The following SYN3 variants were observed in gnomAD, a reference collection of about 807,000 sequenced individuals.
SYN3 encodes synapsin III, also known as synapsin-3.
Under a neutral mutation model 65.8 loss-of-function variants are expected in SYN3, and 35 were observed. The observed-to-expected ratio is 0.53, with a 90% CI of 0.41 to 0.70. SYN3 has a LOEUF of 0.70. Among genes scored for constraint, SYN3 ranks in the 30% least tolerant of loss-of-function variants. The pLI, the probability that SYN3 is intolerant of heterozygous loss-of-function variation, is 0.00. For missense variants in SYN3, 680 were observed against 749.0 expected, an observed-to-expected ratio of 0.91 and a Z score of 1.08; for synonymous variants, 270 against 292.9, an observed-to-expected ratio of 0.92 and a Z score of 0.80.
intron 6 of SYN3, among the ~76,000 whole-genome samples, chr22:32,752,343 C>T (rs145562760): frequency 6.6e-5 from 10 of 152,276 alleles, no homozygotes; most frequent in African/African-American, 2.4e-4. Context: ...CCATCCTTCT[C>T]ACCAAACATT....
chr22:32,806,926 G>T (rs1199443211), intron 6 of SYN3, among the ~76,000 whole-genome samples: 1 of 151,968 alleles, frequency 6.6e-6, no homozygotes, highest in African/African-American at 2.4e-5. Flanking sequence ...ATTTATAGTA[G>T]TTTTTCCCTT....
rs1288480674 is a variant in SYN3 at position 32,869,689 on chromosome 22, G to GTTTTTTT, written c.462-565_462-564insAAAAAAA. Reference sequence around the variant, plus strand: ...GATCTCAAATCAACCAACACATCTTGGTTTTTTTTTTTTTTTTTTTTTTCA... The same window carrying GTTTTTTT: ...GATCTCAAATCAACCAACACATCTTGTTTTTTTGTTTTTTTTTTTTTTTTTTTTTTCA... On this transcript the variant is annotated intron_variant, in intron 4 of 13. Coordinates refer to ENST00000358763, the MANE Select transcript of SYN3 (RefSeq NM_003490.4). Among the ~76,000 whole-genome samples the GTTTTTTT allele has an allele frequency of 4.2e-5, 5 of 118,446 alleles. 1 individual carries two copies. Among genetic ancestry groups the GTTTTTTT allele is most frequent in the Non-Finnish European group, 3.4e-5 (2 of 59,022 alleles). The allele number at this position is 118,446 out of a possible 152,430, so 77.7% of individuals were successfully genotyped here. A position where few individuals can be genotyped will look rare whatever the true frequency, so the allele number is the denominator to read the frequency against.
At chr22:32,996,834 G>A (rs185379331) in intron 2 of SYN3, among the ~76,000 whole-genome samples, 175 of 152,336 alleles carry the variant, frequency 1.1e-3, no homozygotes, top group Non-Finnish European at 1.9e-3. Context: ...CTGGCTGCCC[G>A]GAGGGCTCCA....
chr22:32,689,756 C>T lies in SYN3; in HGVS notation c.712-93020G>A, dbSNP rs770532984. Among the ~76,000 whole-genome samples the T allele has an allele frequency of 2.8e-3, 432 of 152,124 alleles. 1 individual carries two copies. Among genetic ancestry groups the T allele is most frequent in the Middle Eastern group, 6.8e-3 (2 of 294 alleles). The stretch of plus-strand genomic sequence containing the variant: ...CCTCATTATGGACTGAATGTTTATG[C>T]CCTCTCAATAGTCATGCATTTAAGT... On this transcript the variant is annotated intron_variant, in intron 6 of 13. Transcript: ENST00000358763.
At chr22:32,886,368 G>T (rs1452926346) in intron 4 of SYN3, among the ~76,000 whole-genome samples, 2 of 152,118 alleles carry the variant, frequency 1.3e-5, no homozygotes, top group East Asian at 3.9e-4. Context: ...AGAATTAGGG[G>T]TCATGCATAA....
chr22:33,030,762 CAG>C (rs1189890608), intron 1 of SYN3, among the ~76,000 whole-genome samples: 1 of 149,376 alleles, frequency 6.7e-6, no homozygotes, highest in Non-Finnish European at 1.5e-5. Flanking sequence ...GACAGAGAAA[CAG>C]AGAGAGAGGT....
intron 1 of SYN3, among the ~76,000 whole-genome samples, 193 bp downstream of exon 1, chr22:33,058,099 G>A (rs983615239): frequency 6.6e-6 from 1 of 152,056 alleles, no homozygotes; most frequent in Non-Finnish European, 1.5e-5. Flanking sequence ...GCGGCAGCCT[G>A]GGGAGACACC....
At chr22:32,705,306 T>C (rs1363396508) in intron 6 of SYN3, among the ~76,000 whole-genome samples, 2 of 152,232 alleles carry the variant, frequency 1.3e-5, no homozygotes, top group Non-Finnish European at 2.9e-5. Flanking sequence ...ATTTATTGAA[T>C]AGGGAGTCCT....
At chr22:32,812,320 A>C (rs1227489460) in intron 6 of SYN3, among the ~76,000 whole-genome samples, 10 of 152,202 alleles carry the variant, frequency 6.6e-5, no homozygotes. Context: ...CTGTGGTTGC[A>C]AAAGTGGATG....
intron 4 of SYN3, among the ~76,000 whole-genome samples, chr22:32,915,463 A>G (rs564001479): frequency 5.3e-5 from 8 of 152,070 alleles, no homozygotes; most frequent in African/African-American, 1.9e-4. Context: ...AAAATAAAGC[A>G]GGATGACGGT....
chr22:32,617,893 T>C (rs2059542432), intron 6 of SYN3, among the ~76,000 whole-genome samples: 1 of 151,944 alleles, frequency 6.6e-6, no homozygotes. Context: ...TTCTCCTCTA[T>C]GCTGTTTCTG....
intron 7 of SYN3, among the ~76,000 whole-genome samples, chr22:32,570,309 T>A (rs1006612164): frequency 3.3e-5 from 5 of 152,220 alleles, no homozygotes; most frequent in Non-Finnish European, 7.4e-5. Flanking sequence ...TCTGTCTGGC[T>A]CCCTTGTGAA....
At chr22:32,812,723 G>A (rs1213828423) in intron 6 of SYN3, among the ~76,000 whole-genome samples, 2 of 152,212 alleles carry the variant, frequency 1.3e-5, no homozygotes, top group Non-Finnish European at 1.5e-5. Flanking sequence ...GAACACATGT[G>A]TGATCTGATG....
At chr22:32,923,835 C>T (rs1036200140) in intron 4 of SYN3, among the ~76,000 whole-genome samples, 2 of 152,140 alleles carry the variant, frequency 1.3e-5, no homozygotes, top group Admixed American at 6.5e-5. Context: ...CTGATCCTCT[C>T]CCTCCTCCCA....
intron 4 of SYN3, among the ~76,000 whole-genome samples, chr22:32,907,756 G>A (rs940003636): frequency 2.0e-5 from 3 of 152,258 alleles, no homozygotes; most frequent in East Asian, 3.9e-4. Flanking sequence ...TGGAGCTTAC[G>A]TAAATGACCT....
intron 4 of SYN3, among the ~76,000 whole-genome samples, chr22:32,891,143 G>A (rs1266631847): frequency 6.6e-6 from 1 of 152,166 alleles, no homozygotes; most frequent in Non-Finnish European, 1.5e-5. Context: ...GAGGAGCTGA[G>A]GTGGCAGCAG....
At chr22:32,667,794 CTTTCTTT>C (rs1403264848) in intron 6 of SYN3, among the ~76,000 whole-genome samples, 3 of 147,858 alleles carry the variant, frequency 2.0e-5, no homozygotes, top group South Asian at 2.2e-4. Context: ...TTCTTTCTTT[CTTTCTTT>C]TTTTTTTTTT....
chr22:33,032,851 C>T (rs1298538367), intron 1 of SYN3, among the ~76,000 whole-genome samples: 2 of 151,990 alleles, frequency 1.3e-5, no homozygotes, highest in Non-Finnish European at 2.9e-5. Context: ...TTTTTTGTGC[C>T]GAACCAATGT....
intron 6 of SYN3, among the ~76,000 whole-genome samples, chr22:32,701,140 T>C (rs1012717814): frequency 1.3e-5 from 2 of 152,220 alleles, no homozygotes; most frequent in Non-Finnish European, 2.9e-5. Flanking sequence ...TTCTAATCTG[T>C]TCTCTGCAGA....
Sources: allele counts gnomAD v4.1 joint callset (sites outside exome capture counted in the v4.1 genomes callset), GRCh38; gene constraint gnomAD v4.1.1; transcripts MANE v1.5; gene names NCBI Gene and HGNC (gene_info 2026-07-23, HGNC 2026-07-21).